The following PNCK variants were observed in gnomAD, a reference collection of about 807,000 sequenced individuals.
The protein encoded by PNCK is calcium/calmodulin-dependent protein kinase type 1B.
PNCK carries 21 observed loss-of-function variants against 28.3 expected under a neutral mutation model. That is an observed-to-expected ratio of 0.74 (90% CI 0.53 to 1.07). The LOEUF is 1.07. PNCK is among the 50% of genes least tolerant of loss of function. The pLI is 0.00. For missense variants in PNCK, 250 were observed against 298.3 expected (o/e 0.84, Z 1.19); for synonymous variants, 136 against 125.2 (o/e 1.09, Z -0.58).
chrX:153,673,285 TG>T (rs1557040824), intron 1 of PNCK: 2 of 1,190,133 alleles, frequency 1.7e-6, no homozygotes, highest in Non-Finnish European at 2.3e-6. Flanking sequence ...GGCCTACAGC[TG>T]CTATCCCACG....
chrX:153,678,323 G>A (rs1433666277), upstream of PNCK, among the ~76,000 whole-genome samples: 1 of 110,671 alleles, frequency 9.0e-6, no homozygotes, highest in Non-Finnish European at 1.9e-5. Flanking sequence ...GCATGGTGGT[G>A]CATGCCTGTG....
chrX:153,672,611 C>G lies in PNCK; in HGVS notation c.155G>C (p.Arg52Pro), dbSNP rs1557040353. The G allele has an allele frequency of 8.3e-7, 1 of 1,207,858 alleles. No homozygotes were observed. Among genetic ancestry groups the G allele is most frequent in the Non-Finnish European group, 1.1e-6 (1 of 895,437 alleles). ...GTTCTCCACCAGGGCCTCCTTGCCC[C>G]GGAGGGCCTTCTTGGGGATGCACTT... ...ALKCIPKKAL[R>P]GKEALVENEI... Residue 52 changes from arginine (R) to proline (P), a missense_variant, in exon 3 of 12, where the codon CGG (arginine) becomes CCG (proline). By Grantham distance (103) the Arg-to-Pro change is moderately radical. Coordinates refer to ENST00000340888, the MANE Select transcript of PNCK (RefSeq NM_001366977.1).
upstream of PNCK, chrX:153,674,109 A>G: frequency 2.5e-6 from 3 of 1,210,295 alleles, no homozygotes; most frequent in South Asian, 1.8e-5. Flanking sequence ...TCTGCCTTCC[A>G]GTCTCTGCCT....
chrX:153,672,895 A>C (rs1557040540), intron 2 of PNCK, 114 bp downstream of exon 2: 1 of 962,060 alleles, frequency 1.0e-6, no homozygotes, highest in African/African-American at 1.9e-5. Flanking sequence ...ATATTCACAC[A>C]CACACACATC....
chrX:153,683,045 C>A (rs1031780450), intron 1 of PNCK, among the ~76,000 whole-genome samples: 5 of 112,444 alleles, frequency 4.4e-5, no homozygotes, highest in Non-Finnish European at 7.5e-5. Flanking sequence ...GTCACCAGGC[C>A]CAGCCGAGAA....
At chrX:153,673,828 GC>G (rs1367974638), upstream of PNCK, 6 of 749,752 alleles carry the variant, frequency 8.0e-6, no homozygotes, top group Non-Finnish European at 9.4e-6. Flanking sequence ...GCAGCGCCAA[GC>G]CCCCCGCCCG....
chrX:153,672,547 G>A lies in PNCK; in HGVS notation c.200+19C>T, dbSNP rs1429681996. 5 of 1,198,290 alleles carry A rather than the reference G, an allele frequency of 4.2e-6. No homozygotes were observed. The Admixed American group carries it at 6.6e-5, about 16-fold the overall frequency. On this transcript the variant is annotated intron_variant, in intron 3 of 11. Transcript: ENST00000340888. Reference sequence around the variant, plus strand: ...CCCATCGACCTATGCCCCGTCCCAGGGCCCCGCGAGGTGCGCACCTACGGA... The same window carrying A: ...CCCATCGACCTATGCCCCGTCCCAGAGCCCCGCGAGGTGCGCACCTACGGA...
chrX:153,670,234 T>G, intron 11 of PNCK, 104 bp from the exon 12 acceptor site: 1 of 484,129 alleles, frequency 2.1e-6, no homozygotes, highest in Non-Finnish European at 3.4e-6. Flanking sequence ...TTAGAGGCCC[T>G]CTCCCCCTGC....
intron 1 of PNCK, among the ~76,000 whole-genome samples, chrX:153,685,823 G>C (rs782315757): frequency 8.8e-6 from 1 of 113,483 alleles, no homozygotes; most frequent in East Asian, 2.8e-4. Flanking sequence ...TCTGGCCCAG[G>C]CCGTGAGGAG....
intron 1 of PNCK, 29 bp from the exon 2 acceptor site, chrX:153,673,107 G>A (rs782349073): frequency 5.5e-5 from 64 of 1,162,713 alleles, no homozygotes; most frequent in Non-Finnish European, 7.3e-5. Flanking sequence ...GGTGATGGGG[G>A]TCTCTCCCCG....
intron 1 of PNCK, among the ~76,000 whole-genome samples, chrX:153,681,299 C>T (rs368929016): frequency 1.3e-4 from 14 of 111,507 alleles, no homozygotes; most frequent in African/African-American, 4.6e-4. Context: ...AACTGGGCCT[C>T]ACGGAGCGGC....
chrX:153,671,673 C>T lies in PNCK; in HGVS notation c.415-1G>A. On this transcript the variant is annotated splice_acceptor_variant, in intron 5 of 11. Coordinates refer to ENST00000340888, the MANE Select transcript of PNCK (RefSeq NM_001366977.1). LOFTEE classifies it high-confidence loss of function. Reference sequence around the variant, plus strand: ...GCGTGGCATACAGGAGGTTTTCGGGCTGTGACACACGGACACCGGGAAAAG... The same window carrying T: ...GCGTGGCATACAGGAGGTTTTCGGGTTGTGACACACGGACACCGGGAAAAG... The T allele has an allele frequency of 8.4e-7, 1 of 1,183,453 alleles. No homozygotes were observed. The highest frequency in any genetic ancestry group is 1.1e-6 in the Non-Finnish European group (1 of 880,021).
At position 153,670,728 on chromosome X, in the gene PNCK, C is replaced by T; in HGVS notation, c.894+16G>A. On this transcript the variant is annotated intron_variant, in intron 10 of 11. Transcript: ENST00000340888. Reference sequence around the variant, plus strand: ...GGTGCGGCGGGCGACCACACTGGGTCTCTCTCCACACTGACCTTCCAGTGT... The same window carrying T: ...GGTGCGGCGGGCGACCACACTGGGTTTCTCTCCACACTGACCTTCCAGTGT... The T allele has an allele frequency of 8.4e-7, 1 of 1,190,018 alleles. No homozygotes were observed. The highest frequency in any genetic ancestry group is 1.1e-6 in the Non-Finnish European group (1 of 883,085).
chrX:153,673,476 A>C (rs1603205651), intron 1 of PNCK: 1 of 412,628 alleles, frequency 2.4e-6, no homozygotes, highest in Non-Finnish European at 3.7e-6. Context: ...CAGCGCCCAC[A>C]GGCACCCGCT....
At chrX:153,686,154 G>A (rs1557043136) in intron 1 of PNCK, among the ~76,000 whole-genome samples, 2 of 111,207 alleles carry the variant, frequency 1.8e-5, no homozygotes, top group Admixed American at 1.9e-4. Context: ...CCTCTGCCTC[G>A]GCCTCCTCTG....
rs915970109 is a variant in PNCK at position 153,670,982 on chromosome X, G to A, written c.742C>T (p.Arg248Trp). The change falls in exon 9 of 12, where the codon CGG becomes TGG. Residue 248 changes from arginine (R) to tryptophan (W), a missense_variant. Arg to Trp is a moderately radical substitution (Grantham distance 101). Transcript: ENST00000340888. The part of the protein sequence containing the change: ...DISESAKDFI[R>W]HLLERDPQKR... Reference sequence around the variant, plus strand: ...TGGGGGTCTCGCTCCAGAAGGTGCCGGATGAAGTCTTTGGCTGGAACAGGG... The same window carrying A: ...TGGGGGTCTCGCTCCAGAAGGTGCCAGATGAAGTCTTTGGCTGGAACAGGG... The A allele has an allele frequency of 1.2e-5, 14 of 1,210,490 alleles. No individual in the cohort carries two copies. The highest frequency in any genetic ancestry group is 1.8e-5 in the South Asian group (1 of 56,825).
At chrX:153,677,850 T>C (rs782304805), upstream of PNCK, among the ~76,000 whole-genome samples, 1 of 106,116 alleles carries the variant, frequency 9.4e-6, no homozygotes, top group South Asian at 4.1e-4. Context: ...ATATAGTCTG[T>C]ATATAGTGTG....
rs781894830 is a variant in PNCK, at chrX:153,670,795, T to C, written c.843A>G (p.Leu281=). ...SGDTAFDRDI[L]GSVSEQIRKN... ...TCCGGATCTGCTCACTGACAGAGCC[T>C]AAGATGTCCCTGTCGAAGGCTGTGT... Residue 281 remains leucine (L), a synonymous_variant, in exon 10 of 12, where the codon TTA becomes TTG. Coordinates refer to ENST00000340888, the MANE Select transcript of PNCK (RefSeq NM_001366977.1). The C allele has an allele frequency of 8.3e-7, 1 of 1,211,244 alleles. No individual in the cohort carries two copies. The highest frequency in any genetic ancestry group is 1.7e-5 in the African/African-American group (1 of 57,796).
intron 1 of PNCK, among the ~76,000 whole-genome samples, chrX:153,681,369 G>A (rs782546710): frequency 1.8e-5 from 2 of 111,577 alleles, no homozygotes; most frequent in Admixed American, 9.5e-5. Context: ...GGAGAGACCC[G>A]ACAAACAGGA....
Sources: gnomAD v4.1 joint callset for allele counts (sites outside exome capture counted in the v4.1 genomes callset) on GRCh38, gnomAD v4.1.1 for gene constraint, MANE v1.5 for transcripts, NCBI Gene and HGNC (gene_info 2026-07-23, HGNC 2026-07-21) for gene names.